BAZ2A: variants seen among roughly 807,000 people sequenced by gnomAD.
BAZ2A encodes bromodomain adjacent to zinc finger domain 2A.
BAZ2A carries 34 observed loss-of-function variants against 199.9 expected under a neutral mutation model. The ratio of observed to expected loss-of-function variants is 0.17; its 90% CI spans 0.13 to 0.23. BAZ2A has a LOEUF of 0.23. Among genes scored for constraint, BAZ2A ranks in the 10% least tolerant of loss-of-function variants. The pLI is 1.00. For synonymous variants in BAZ2A, 857 were observed against 883.9 expected (o/e 0.97, Z 0.54); for missense variants, 2,002 against 2,391.1 (o/e 0.84, Z 3.39).
At chr12:56,628,958 G>A (rs546705717) in intron 1 of BAZ2A, among the ~76,000 whole-genome samples, 85 of 152,070 alleles carry the variant, frequency 5.6e-4, no homozygotes, top group African/African-American at 2.0e-3. Flanking sequence ...GGAAGACAGA[G>A]ATGTTCTGGA....
rs1363352059 is a variant in BAZ2A at position 56,596,384 on chromosome 12, T to C, written c.*2234A>G. On this transcript the variant is annotated 3_prime_UTR_variant, in exon 29 of 29. Transcript: ENST00000549884. The stretch of plus-strand genomic sequence containing the variant: ...GAAAGAAAAGCAAGAAATGGCCCCT[T>C]TGATCATGCCCTATCCCTACCACCC... 8.2e-6 allele frequency: 1 copy of C among 121,366 alleles called. No homozygotes were observed. The highest frequency in any genetic ancestry group is 3.2e-5 in the African/African-American group (1 of 31,678). 7.5% of individuals were successfully genotyped at this position (121,366 alleles called of 1,614,324 possible).
chr12:56,607,372 T>C (rs1031978867), intron 10 of BAZ2A, among the ~76,000 whole-genome samples: 1 of 152,166 alleles, frequency 6.6e-6, no homozygotes, highest in Non-Finnish European at 1.5e-5. Flanking sequence ...TGACTATATA[T>C]ACATATATAT....
chr12:56,630,249 G>A lies in BAZ2A; in HGVS notation c.-127C>T, dbSNP rs993800597. 2 of 983,588 alleles carry A rather than the reference G, an allele frequency of 2.0e-6. No individual in the cohort carries two copies. The highest frequency in any genetic ancestry group is 2.4e-6 in the Non-Finnish European group (2 of 828,284). 60.9% of individuals were successfully genotyped at this position (983,588 alleles called of 1,614,324 possible). On this transcript the variant is annotated 5_prime_UTR_variant, in exon 1 of 29. Coordinates refer to ENST00000549884, the MANE Select transcript of BAZ2A (RefSeq NM_001300905.2). ...CCGCTGGGGAGGGGGTCTGGGGTCC[G>A]GGGTTCGGGAAGGGGGAGGGGGACG...
At chr12:56,602,971 G>C (rs967784928) in intron 18 of BAZ2A, 114 bp from the exon 19 acceptor site, 1 of 1,211,916 alleles carries the variant, frequency 8.3e-7, no homozygotes, top group Non-Finnish European at 1.1e-6. Flanking sequence ...TAAAAGTGAT[G>C]CCATCTGGGC....
chr12:56,619,331 G>A (rs1950830192), intron 1 of BAZ2A, among the ~76,000 whole-genome samples: 1 of 150,648 alleles, frequency 6.6e-6, no homozygotes, highest in African/African-American at 2.4e-5. Context: ...GGGGACAAGA[G>A]CGAGACTTCA....
Position 56,598,454 on chromosome 12 carries a change from T to G in BAZ2A, c.*164A>C. On this transcript the variant is annotated 3_prime_UTR_variant, in exon 29 of 29. Coordinates refer to ENST00000549884, the MANE Select transcript of BAZ2A (RefSeq NM_001300905.2). ...CAAGAGGAGGGAAGGGAGAAAGGGATGTAGGAATAAGAGGATGTGGGGCAC... is the reference window on the plus strand; with the variant it reads ...CAAGAGGAGGGAAGGGAGAAAGGGAGGTAGGAATAAGAGGATGTGGGGCAC... 1 of 817,356 alleles carries G rather than the reference T, an allele frequency of 1.2e-6. No individual in the cohort carries two copies. The highest frequency in any genetic ancestry group is 1.9e-6 in the Non-Finnish European group (1 of 532,772). The allele number at this position is 817,356 out of a possible 1,614,324, so 50.6% of individuals were successfully genotyped here.
At chr12:56,605,681 C>T in intron 13 of BAZ2A, 149 bp downstream of exon 13, 1 of 934,078 alleles carries the variant, frequency 1.1e-6, no homozygotes, top group Non-Finnish European at 1.6e-6. Flanking sequence ...CTCGGCCTCC[C>T]AAAGTGCTGG....
rs568686590 is a variant in BAZ2A at position 56,614,959 on chromosome 12, TC to T, written c.730+54del. The T allele has an allele frequency of 3.6e-5, 55 of 1,507,452 alleles. No individual in the cohort carries two copies. The East Asian group carries it at 5.8e-4, about 16-fold the overall frequency. The allele number at this position is 1,507,452 out of a possible 1,614,324, so 93.4% of individuals were successfully genotyped here. ...TTTTTCTCACCTCAAAAAGCCACTA[TC>T]CCCCCCGAGCTCCATTTTTCCTTTC... On this transcript the variant is annotated intron_variant, in intron 3 of 28. Coordinates refer to ENST00000549884, the MANE Select transcript of BAZ2A (RefSeq NM_001300905.2).
In BAZ2A at chr12:56,601,001, G is replaced by A; in HGVS notation, c.4392C>T (p.His1464=). ...AGTCCCTGTGCTTGTTAAGGTGTTT[G>A]TGAAGTGCCTTCTCCCGGATACCTC... ...HPRGIREKAL[H]KHLNKHRDFL... Residue 1464 remains histidine (H), a synonymous_variant, in exon 22 of 29, where the codon CAC becomes CAT. Transcript: ENST00000549884. 1 of 1,612,182 alleles carries A rather than the reference G, an allele frequency of 6.2e-7. No individual in the cohort carries two copies. Among genetic ancestry groups the A allele is most frequent in the Non-Finnish European group, 8.5e-7 (1 of 1,179,000 alleles).
At chr12:56,610,010 A>G in intron 9 of BAZ2A, 64 bp from the exon 10 acceptor site, 1 of 1,603,156 alleles carries the variant, frequency 6.2e-7, no homozygotes, top group Non-Finnish European at 8.5e-7. Flanking sequence ...GGCCCTCGGA[A>G]CCATTCAATG....
chr12:56,609,930 T>G lies in BAZ2A; in HGVS notation c.1898A>C (p.Gln633Pro), dbSNP rs544819917. The change falls in exon 10 of 29, where the codon CAG becomes CCG. Residue 633 changes from glutamine (Q) to proline (P), a missense_variant. By Grantham distance (76) the Gln-to-Pro change is moderately conservative. Transcript: ENST00000549884. ...RDTPEGLQWV[Q>P]LSAEEIPSRI... is the part of the protein sequence containing the mutation. ...CGACGGGATCTCCTCTGCTGAGAGC[T>G]GCACCCACTGCAAGCCCTAAGGTAG... 3.7e-5 allele frequency: 60 copies of G among 1,612,220 alleles called. No homozygotes were observed. The South Asian group carries it at 6.6e-4, about 18-fold the overall frequency.
In BAZ2A at chr12:56,609,587, T is replaced by A. The variant is rs1950495993; in HGVS notation, c.2092+149A>T. 4.4e-6 allele frequency: 4 copies of A among 914,408 alleles called. No homozygotes were observed. The South Asian group carries it at 6.7e-5, about 15-fold the overall frequency. The allele number at this position is 914,408 out of a possible 1,614,324, so 56.6% of individuals were successfully genotyped here. ...GTATTCCCAAGCGCTGGGACTAGGA[T>A]GCTGGATTCCAAGGAGAAGCTGATT... On this transcript the variant is annotated intron_variant, in intron 10 of 28. Coordinates refer to ENST00000549884, the MANE Select transcript of BAZ2A (RefSeq NM_001300905.2).
At chr12:56,625,426 G>A (rs933317563) in intron 1 of BAZ2A, among the ~76,000 whole-genome samples, 10 of 151,880 alleles carry the variant, frequency 6.6e-5, no homozygotes, top group Admixed American at 3.9e-4. Flanking sequence ...AAAGTGCTGC[G>A]ACTGCAGGCT....
intron 2 of BAZ2A, among the ~76,000 whole-genome samples, chr12:56,616,603 A>C (rs907722486): frequency 6.6e-6 from 1 of 152,198 alleles, no homozygotes; most frequent in South Asian, 2.1e-4. Context: ...CAATCAATCA[A>C]AAAGAACCAA....
intron 27 of BAZ2A, 50 bp from the exon 28 acceptor site, chr12:56,599,061 G>A: frequency 6.2e-7 from 1 of 1,602,358 alleles, no homozygotes; most frequent in Non-Finnish European, 8.5e-7. Flanking sequence ...CAAATATACT[G>A]ACCCCTCCCA....
At position 56,635,661 on chromosome 12, in the gene BAZ2A, C is replaced by T. The variant is rs188531718; in HGVS notation, c.4+521G>A. ...GACTTTGGTTCAGTTTTCCCCCAACCACCACCACCCTTGCTTCAGTCTCTG... is the reference window on the plus strand; with the variant it reads ...GACTTTGGTTCAGTTTTCCCCCAACTACCACCACCCTTGCTTCAGTCTCTG... On this transcript the variant is annotated intron_variant, in intron 1 of 29. Coordinates refer to the BAZ2A transcript ENST00000379441. The surrounding 1 kb of genome is among the most constrained non-coding windows in gnomAD (Gnocchi z 4.1). Among the ~76,000 whole-genome samples, 6 of 152,250 alleles carry T rather than the reference C, an allele frequency of 3.9e-5. No homozygotes were observed. Among genetic ancestry groups the T allele is most frequent in the Admixed American group, 3.9e-4 (6 of 15,284 alleles).
At chr12:56,633,403 T>C (rs1429159471), upstream of BAZ2A, among the ~76,000 whole-genome samples, 1 of 152,128 alleles carries the variant, frequency 6.6e-6, no homozygotes, top group Non-Finnish European at 1.5e-5. Context: ...GAAGCAGATC[T>C]TGGCAGCCAG....
intron 16 of BAZ2A, 71 bp downstream of exon 16, chr12:56,604,146 A>C (rs1176101652): frequency 6.9e-7 from 1 of 1,457,092 alleles, no homozygotes; most frequent in Non-Finnish European, 9.4e-7. Context: ...ATTTCAAGCC[A>C]AAACCCTGGC....
rs1318898495 is a variant in BAZ2A, at chr12:56,598,580, G to A, written c.*38C>T. Reference sequence around the variant, plus strand: ...TGGCAGGTTTTTGTTTGGAAGGTGGGGGGAGATGCCACAAGGTGACTCCCC... The same window carrying A: ...TGGCAGGTTTTTGTTTGGAAGGTGGAGGGAGATGCCACAAGGTGACTCCCC... On this transcript the variant is annotated 3_prime_UTR_variant, in exon 29 of 29. Transcript: ENST00000549884. The A allele has an allele frequency of 1.9e-6, 3 of 1,599,302 alleles. No homozygotes were observed. Among genetic ancestry groups the A allele is most frequent in the Non-Finnish European group, 1.7e-6 (2 of 1,173,478 alleles).
Sources: gnomAD v4.1 joint callset for allele counts (sites outside exome capture counted in the v4.1 genomes callset) on GRCh38, gnomAD v4.1.1 for gene constraint, Gnocchi (gnomAD v3.1) non-coding constraint, MANE v1.5 for transcripts, NCBI Gene and HGNC (gene_info 2026-07-23, HGNC 2026-07-21) for gene names.